KIRREL3: variants seen among roughly 807,000 people sequenced by gnomAD.
KIRREL3 encodes the protein kirre like nephrin family adhesion molecule 3, also known as kin of IRRE-like protein 3.
A neutral mutation model predicts 89.7 loss-of-function variants in KIRREL3; 36 were observed. That is an observed-to-expected ratio of 0.40 (90% CI 0.31 to 0.53). The LOEUF is 0.53. Among genes scored for constraint, KIRREL3 ranks in the 20% least tolerant of loss-of-function variants. KIRREL3 has a pLI of 0.49. For missense variants in KIRREL3, 864 were observed against 1,056.6 expected, an observed-to-expected ratio of 0.82 and a Z score of 2.53; for synonymous variants, 445 against 441.4, an observed-to-expected ratio of 1.01 and a Z score of -0.10.
chr11:126,842,598 G>T (rs1413239111), intron 1 of KIRREL3, among the ~76,000 whole-genome samples: 1 of 152,178 alleles, frequency 6.6e-6, no homozygotes, highest in African/African-American at 2.4e-5. Context: ...ATGTGGGACA[G>T]ATGGTCTTGT....
intron 4 of KIRREL3, among the ~76,000 whole-genome samples, chr11:126,500,807 G>T (rs992261274): frequency 6.6e-6 from 1 of 151,226 alleles, no homozygotes; most frequent in Non-Finnish European, 1.5e-5. Flanking sequence ...ATTTTTTTCA[G>T]TGCTGATACC....
chr11:126,495,059 G>C lies in KIRREL3; in HGVS notation c.434-21593C>G, dbSNP rs940860815. ...AGGCTGTGCACTGGCCAATTCCAGT[G>C]GGCACTGAGCACTTAGCTGGCCCCT... On this transcript the variant is annotated intron_variant, in intron 4 of 16. Transcript: ENST00000525144. The surrounding 1 kb of genome is among the most constrained non-coding windows in gnomAD (Gnocchi z 6.5). Among the ~76,000 whole-genome samples the C allele has an allele frequency of 2.0e-4, 31 of 152,184 alleles. No individual in the cohort carries two copies. The highest frequency in any genetic ancestry group is 7.2e-4 in the African/African-American group (30 of 41,450).
Position 126,650,416 on chromosome 11 carries a change from T to C in KIRREL3, c.56-87504A>G, listed in dbSNP as rs1944864968. Among the ~76,000 whole-genome samples, 3 of 152,306 alleles carry C rather than the reference T, an allele frequency of 2.0e-5. 1 individual carries two copies. In the South Asian group the frequency reaches 6.2e-4, roughly 32 times the overall value. On this transcript the variant is annotated intron_variant, in intron 1 of 16. Transcript: ENST00000525144. ...CTTCCCTTATAAAACTGAATGCCTT[T>C]AATGGCACCCAAGTCACATCTAGAA...
chr11:126,759,424 G>A (rs774532464), intron 1 of KIRREL3, among the ~76,000 whole-genome samples: 21 of 152,184 alleles, frequency 1.4e-4, no homozygotes, highest in Admixed American at 3.9e-4. Flanking sequence ...CACTGTACCC[G>A]GCCATGGGTA....
intron 1 of KIRREL3, among the ~76,000 whole-genome samples, chr11:126,928,798 G>A (rs1947822676): frequency 6.6e-6 from 1 of 152,184 alleles, no homozygotes. Flanking sequence ...AGGTCACGAA[G>A]GAGAGGGAAG....
chr11:126,786,742 G>T (rs998627685), intron 1 of KIRREL3, among the ~76,000 whole-genome samples: 1 of 152,136 alleles, frequency 6.6e-6, no homozygotes, highest in East Asian at 1.9e-4. Flanking sequence ...TGCTGCCACC[G>T]GGCTCCTTGG....
intron 1 of KIRREL3, among the ~76,000 whole-genome samples, chr11:126,849,097 G>T (rs956289351): frequency 6.6e-6 from 1 of 152,190 alleles, no homozygotes; most frequent in African/African-American, 2.4e-5. Context: ...GAGATAGGAG[G>T]TCGACACAAG....
Position 126,937,802 on chromosome 11 carries a change from G to A in KIRREL3, c.55+62653C>T, listed in dbSNP as rs533872467. Among the ~76,000 whole-genome samples the A allele has an allele frequency of 2.6e-5, 4 of 152,326 alleles. No homozygotes were observed. The South Asian group carries it at 8.3e-4, about 32-fold the overall frequency. On this transcript the variant is annotated intron_variant, in intron 1 of 16. Coordinates refer to ENST00000525144, the MANE Select transcript of KIRREL3 (RefSeq NM_032531.4). Reference sequence around the variant, plus strand: ...TAGTCCCAGCTGCTCGGGAGGCTGAGGCAGGAGAATGGTGTGAACCAAGGA... The same window carrying A: ...TAGTCCCAGCTGCTCGGGAGGCTGAAGCAGGAGAATGGTGTGAACCAAGGA...
At chr11:126,730,841 C>T (rs576429078) in intron 1 of KIRREL3, among the ~76,000 whole-genome samples, 1 of 152,262 alleles carries the variant, frequency 6.6e-6, no homozygotes, top group African/African-American at 2.4e-5. Context: ...CAGGTTCACG[C>T]CATTCTCCTG....
In KIRREL3 at chr11:126,666,967, C is replaced by T. The variant is rs1945691002; in HGVS notation, c.56-104055G>A. ...CAAGATTCAGATCCCTGATGTGGAG[C>T]CAAGGAAAGGCTTGAGTGACTAGGG... is the stretch of plus-strand genomic sequence containing the variant. On this transcript the variant is annotated intron_variant, in intron 1 of 16. Coordinates refer to ENST00000525144, the MANE Select transcript of KIRREL3 (RefSeq NM_032531.4). The surrounding 1 kb of genome is among the most constrained non-coding windows in gnomAD (Gnocchi z 4.2). Among the ~76,000 whole-genome samples the T allele has an allele frequency of 6.6e-6, 1 of 152,150 alleles. No individual in the cohort carries two copies. The highest frequency in any genetic ancestry group is 2.1e-4 in the South Asian group (1 of 4,814).
chr11:126,734,949 C>T lies in KIRREL3; in HGVS notation c.56-172037G>A, dbSNP rs1235517487. Among the ~76,000 whole-genome samples, 1 of 152,152 alleles carries T rather than the reference C, an allele frequency of 6.6e-6. No individual in the cohort carries two copies. The highest frequency in any genetic ancestry group is 1.5e-5 in the Non-Finnish European group (1 of 68,030). ...CTTCTGGTCCAGCTGTGCCTGGCTCCGACCAAGGGCAGGGTCAATGTGCAC... is the reference window on the plus strand; with the variant it reads ...CTTCTGGTCCAGCTGTGCCTGGCTCTGACCAAGGGCAGGGTCAATGTGCAC... On this transcript the variant is annotated intron_variant, in intron 1 of 16. Coordinates refer to ENST00000525144, the MANE Select transcript of KIRREL3 (RefSeq NM_032531.4). The surrounding 1 kb of genome is among the most constrained non-coding windows in gnomAD (Gnocchi z 5.9).
At position 126,743,278 on chromosome 11, in the gene KIRREL3, C is replaced by T. The variant is rs12291994; in HGVS notation, c.56-180366G>A. Among the ~76,000 whole-genome samples, 1,200 of 152,280 alleles carry T rather than the reference C, an allele frequency of 7.9e-3. 15 individuals carry two copies. Among genetic ancestry groups the T allele is most frequent in the African/African-American group, 0.026 (1,065 of 41,564 alleles). ...GGCCTCAGTTTCCCTATTTATAGAACGGTGAGCCTGGACTAGCTTCATGTT... is the reference window on the plus strand; with the variant it reads ...GGCCTCAGTTTCCCTATTTATAGAATGGTGAGCCTGGACTAGCTTCATGTT... On this transcript the variant is annotated intron_variant, in intron 1 of 16. Transcript: ENST00000525144.
chr11:126,746,625 TG>T (rs373798655), intron 1 of KIRREL3, among the ~76,000 whole-genome samples: 3 of 152,200 alleles, frequency 2.0e-5, no homozygotes, highest in Admixed American at 6.5e-5. Flanking sequence ...AGCTTGATTC[TG>T]GTCCCCCCTC....
Position 126,441,010 on chromosome 11 carries a change from A to G in KIRREL3, c.1253-461T>C, listed in dbSNP as rs1287903050. On this transcript the variant is annotated intron_variant, in intron 10 of 16. Coordinates refer to ENST00000525144, the MANE Select transcript of KIRREL3 (RefSeq NM_032531.4). The surrounding 1 kb of genome is among the most constrained non-coding windows in gnomAD (Gnocchi z 5.0). Reference sequence around the variant, plus strand: ...GCGAGCCATTCCTCAGATATCCAGTAGAGGGCGCCCTTGCCTAACAAATGG... The same window carrying G: ...GCGAGCCATTCCTCAGATATCCAGTGGAGGGCGCCCTTGCCTAACAAATGG... The G allele has an allele frequency of 5.3e-6, 1 of 188,196 alleles. No homozygotes were observed. Among genetic ancestry groups the G allele is most frequent in the East Asian group, 1.4e-4 (1 of 6,974 alleles). The allele number at this position is 188,196 out of a possible 1,614,324, so 11.7% of individuals were successfully genotyped here.
Position 126,587,071 on chromosome 11 carries a change from A to G in KIRREL3, c.56-24159T>C, listed in dbSNP as rs1941898592. Among the ~76,000 whole-genome samples, 1 of 152,168 alleles carries G rather than the reference A, an allele frequency of 6.6e-6. No homozygotes were observed. The highest frequency in any genetic ancestry group is 1.9e-4 in the East Asian group (1 of 5,196). ...CTGGGAGTCAGTGGGAGAGATGAATAAACAGGCAACGACGATGCAGTGTGA... is the reference window on the plus strand; with the variant it reads ...CTGGGAGTCAGTGGGAGAGATGAATGAACAGGCAACGACGATGCAGTGTGA... On this transcript the variant is annotated intron_variant, in intron 1 of 16. Transcript: ENST00000525144. This position sits in a 1 kb window ranked among gnomAD's most constrained non-coding sequence, Gnocchi z 5.2.
chr11:126,691,103 C>G (rs951633695), intron 1 of KIRREL3, among the ~76,000 whole-genome samples: 1 of 152,208 alleles, frequency 6.6e-6, no homozygotes, highest in African/African-American at 2.4e-5. Context: ...AGATACCAAT[C>G]TCACCCACTC....
chr11:126,844,357 C>T lies in KIRREL3; in HGVS notation c.55+156098G>A, dbSNP rs181300880. Among the ~76,000 whole-genome samples the T allele has an allele frequency of 9.0e-4, 137 of 152,266 alleles. 2 individuals carry two copies. Among genetic ancestry groups the T allele is most frequent in the African/African-American group, 3.0e-3 (125 of 41,570 alleles). On this transcript the variant is annotated intron_variant, in intron 1 of 16. Transcript: ENST00000525144. The surrounding 1 kb of genome is among the most constrained non-coding windows in gnomAD (Gnocchi z 4.8). ...AGGAAACCCCAGACCCAAAGGCTAA[C>T]CTTGGGTAAGCAGTGTGGTGTGGTA...
intron 1 of KIRREL3, among the ~76,000 whole-genome samples, chr11:126,659,377 G>A (rs905976335): frequency 1.3e-5 from 2 of 152,136 alleles, no homozygotes; most frequent in East Asian, 1.9e-4. Flanking sequence ...CAAAAAATAG[G>A]AGTTATACTA....
rs898763990 is a variant in KIRREL3, at chr11:126,606,222, T to G, written c.56-43310A>C. Among the ~76,000 whole-genome samples the G allele has an allele frequency of 6.6e-6, 1 of 152,236 alleles. No individual in the cohort carries two copies. The highest frequency in any genetic ancestry group is 2.4e-5 in the African/African-American group (1 of 41,454). Reference sequence around the variant, plus strand: ...TCAGAGTCACTAGTATTATTAATGTTAAAATATTATTTTTATGAAGGCACA... The same window carrying G: ...TCAGAGTCACTAGTATTATTAATGTGAAAATATTATTTTTATGAAGGCACA... On this transcript the variant is annotated intron_variant, in intron 1 of 16. Transcript: ENST00000525144. The surrounding 1 kb of genome is among the most constrained non-coding windows in gnomAD (Gnocchi z 4.6).
Sources: allele counts gnomAD v4.1 joint callset (sites outside exome capture counted in the v4.1 genomes callset), GRCh38; gene constraint gnomAD v4.1.1; non-coding constraint Gnocchi (gnomAD v3.1); transcripts MANE v1.5; gene names NCBI Gene and HGNC (gene_info 2026-07-23, HGNC 2026-07-21).